NGEF: variants seen among roughly 807,000 people sequenced by gnomAD.
The protein encoded by NGEF is ephexin-1.
Under a neutral mutation model 80.9 loss-of-function variants are expected in NGEF, and 31 were observed. The ratio of observed to expected loss-of-function variants is 0.38; its 90% confidence interval spans 0.29 to 0.52. The LOEUF is 0.52. NGEF is among the 20% of genes least tolerant of loss of function. NGEF has a pLI of 0.84. For synonymous variants in NGEF, 371 were observed against 370.2 expected, an observed-to-expected ratio of 1.00 and a Z score of -0.03; for missense variants, 709 against 926.2, an observed-to-expected ratio of 0.77 and a Z score of 3.04.
chr2:232,978,284 G>T (rs550322144), intron 1 of NGEF, among the ~76,000 whole-genome samples: 4 of 152,150 alleles, frequency 2.6e-5, no homozygotes, highest in Admixed American at 2.0e-4. Context: ...CAGGCTGAGG[G>T]GGGGGATCAT....
chr2:232,974,048 A>G (rs1020813398), intron 2 of NGEF, among the ~76,000 whole-genome samples: 1 of 152,218 alleles, frequency 6.6e-6, no homozygotes, highest in Non-Finnish European at 1.5e-5. Context: ...GTCACAAGGA[A>G]AAGAGTCTGT....
At chr2:232,909,288 C>A (rs11889873) in intron 5 of NGEF, among the ~76,000 whole-genome samples, 3,827 of 152,076 alleles carry the variant, frequency 0.025, 174 homozygotes, top group African/African-American at 0.088. Context: ...TTTGAAGATC[C>A]GTGTATTTTT....
chr2:232,927,838 G>T, intron 3 of NGEF: 1 of 1,177,814 alleles, frequency 8.5e-7, no homozygotes, highest in Non-Finnish European at 1.1e-6. Context: ...GCGCAAGCTG[G>T]GAAAGAGGCA....
At chr2:232,981,211 C>A (rs896205854) in intron 1 of NGEF, among the ~76,000 whole-genome samples, 6 of 150,952 alleles carry the variant, frequency 4.0e-5, no homozygotes, top group Non-Finnish European at 7.4e-5. Flanking sequence ...GAAATCAGAC[C>A]TAACCAACTC....
intron 3 of NGEF, among the ~76,000 whole-genome samples, chr2:232,969,886 GTT>G (rs769442489): frequency 6.6e-6 from 1 of 151,634 alleles, no homozygotes; most frequent in African/African-American, 2.4e-5. Context: ...AGTAACAATA[GTT>G]TTTTTGTTAC....
chr2:232,972,098 T>C (rs1317799618), intron 2 of NGEF, among the ~76,000 whole-genome samples: 1 of 152,228 alleles, frequency 6.6e-6, no homozygotes, highest in Non-Finnish European at 1.5e-5. Context: ...TCATATTGAT[T>C]CAGTTGTTGG....
chr2:232,969,981 A>T (rs1217724793), intron 3 of NGEF: 1 of 246,524 alleles, frequency 4.1e-6, no homozygotes, highest in East Asian at 8.6e-5. Flanking sequence ...CCTGGGTAAC[A>T]TAGCAAGACC....
chr2:232,937,868 G>A (rs902536846), intron 3 of NGEF, among the ~76,000 whole-genome samples: 1 of 152,216 alleles, frequency 6.6e-6, no homozygotes, highest in Non-Finnish European at 1.5e-5. Context: ...AAAGCTTGGG[G>A]GAGGTAACTA....
intron 8 of NGEF, chr2:232,890,843 C>T: frequency 2.2e-6 from 1 of 464,118 alleles, no homozygotes; most frequent in Admixed American, 2.4e-5. Flanking sequence ...GACCCAATGT[C>T]TTCCCTGGAA....
chr2:232,938,284 G>T (rs1416138424), intron 3 of NGEF, among the ~76,000 whole-genome samples: 1 of 152,184 alleles, frequency 6.6e-6, no homozygotes, highest in Non-Finnish European at 1.5e-5. Flanking sequence ...GATGGTTCAT[G>T]TGTCCTTAAA....
chr2:232,891,163 C>A (rs551120407), intron 8 of NGEF, among the ~76,000 whole-genome samples, 195 bp downstream of exon 8: 2 of 152,250 alleles, frequency 1.3e-5, no homozygotes, highest in African/African-American at 4.8e-5. Context: ...GTGCATGGTT[C>A]GGTCTCTCCC....
chr2:232,954,711 C>T (rs1474753016), intron 3 of NGEF, among the ~76,000 whole-genome samples: 6 of 140,988 alleles, frequency 4.3e-5, no homozygotes, highest in Non-Finnish European at 6.1e-5. Flanking sequence ...GGTGATAGAG[C>T]GAGACTCCGT....
intron 4 of NGEF, among the ~76,000 whole-genome samples, chr2:232,924,238 AAAAT>A (rs924300246): frequency 6.6e-6 from 1 of 152,210 alleles, no homozygotes; most frequent in East Asian, 1.9e-4. Context: ...CTCCATCCCC[AAAAT>A]AAATAAATAA....
At chr2:232,965,155 C>G (rs1694030663) in intron 3 of NGEF, among the ~76,000 whole-genome samples, 1 of 152,208 alleles carries the variant, frequency 6.6e-6, no homozygotes, top group Admixed American at 6.5e-5. Flanking sequence ...GCTGTAGTCT[C>G]TCTTTAATTG....
chr2:232,985,242 A>G (rs1158976741), intron 1 of NGEF, among the ~76,000 whole-genome samples: 2 of 152,228 alleles, frequency 1.3e-5, no homozygotes, highest in East Asian at 3.8e-4. Flanking sequence ...AGTTAATCCC[A>G]GTTCCCAACT....
chr2:232,880,516 G>A lies in NGEF; in HGVS notation c.1942+630C>T, dbSNP rs548875886. 1.6e-4 allele frequency among the ~76,000 whole-genome samples: 25 copies of A among 152,384 alleles called. No homozygotes were observed. The South Asian group carries it at 5.0e-3, about 30-fold the overall frequency. ...GTCACAGCCTGAGGCCTTCTACCAG[G>A]ACCCGGCAGGAGGAGAGGAAGCAGG... On this transcript the variant is annotated intron_variant, in intron 14 of 14. Coordinates refer to ENST00000264051, the MANE Select transcript of NGEF (RefSeq NM_019850.3).
At chr2:232,943,884 G>A (rs935508101) in intron 3 of NGEF, among the ~76,000 whole-genome samples, 4 of 151,970 alleles carry the variant, frequency 2.6e-5, no homozygotes, top group African/African-American at 9.7e-5. Flanking sequence ...ATTCCTGATT[G>A]GAGAACAAAA....
intron 1 of NGEF, among the ~76,000 whole-genome samples, chr2:232,992,156 A>G (rs949870345): frequency 3.3e-5 from 5 of 152,216 alleles, no homozygotes; most frequent in Non-Finnish European, 7.3e-5. Context: ...TGACATTGGC[A>G]TAGGTAATGG....
At chr2:232,888,314 A>G (rs1691763622) in intron 8 of NGEF, among the ~76,000 whole-genome samples, 1 of 151,538 alleles carries the variant, frequency 6.6e-6, no homozygotes, top group East Asian at 2.0e-4. Context: ...ACATGCTCGC[A>G]CACACATGCA....
Sources: allele counts gnomAD v4.1 joint callset (sites outside exome capture counted in the v4.1 genomes callset), GRCh38; gene constraint gnomAD v4.1.1; transcripts MANE v1.5; gene names NCBI Gene and HGNC (gene_info 2026-07-23, HGNC 2026-07-21).